CCDC102B: variants seen among roughly 807,000 people sequenced by gnomAD.
The protein encoded by CCDC102B is coiled-coil domain containing 102B.
A neutral mutation model predicts 57.4 loss-of-function variants in CCDC102B; 75 were observed. The ratio of observed to expected loss-of-function variants is 1.31; its 90% CI spans 1.08 to 1.58. The LOEUF (loss-of-function observed/expected upper bound fraction) is 1.58, where lower values mean the gene tolerates loss of function less well. Ranked by LOEUF, CCDC102B falls within the 40% of genes most tolerant of loss-of-function variation. CCDC102B has a pLI of 0.00. For missense variants in CCDC102B, 636 were observed against 582.6 expected (o/e 1.09, Z -0.94); for synonymous variants, 206 against 201.9 (o/e 1.02, Z -0.17).
At chr18:68,737,723 C>G (rs1203044849) in intron 2 of CCDC102B, among the ~76,000 whole-genome samples, 3 of 152,114 alleles carry the variant, frequency 2.0e-5, no homozygotes, top group Non-Finnish European at 4.4e-5. Flanking sequence ...AGCAGCAGCC[C>G]TGTTTCTTCA....
chr18:68,915,620 T>A (rs1484876288), intron 6 of CCDC102B, among the ~76,000 whole-genome samples: 1 of 152,244 alleles, frequency 6.6e-6, no homozygotes, highest in Non-Finnish European at 1.5e-5. Flanking sequence ...TTCTACTCTT[T>A]TTATTTGAGT....
At chr18:69,017,325 A>G (rs181655334) in intron 7 of CCDC102B, among the ~76,000 whole-genome samples, 152 of 152,088 alleles carry the variant, frequency 1.0e-3, no homozygotes, top group South Asian at 3.3e-3. Flanking sequence ...GGGTTTCTTC[A>G]TGTTGCCCAG....
chr18:68,900,539 G>A (rs1477510453), intron 6 of CCDC102B, among the ~76,000 whole-genome samples: 1 of 151,868 alleles, frequency 6.6e-6, no homozygotes, highest in Non-Finnish European at 1.5e-5. Flanking sequence ...TTTTTTCTTT[G>A]TTTTCTTTCA....
At chr18:68,786,956 C>G (rs2067848218) in intron 2 of CCDC102B, among the ~76,000 whole-genome samples, 1 of 152,286 alleles carries the variant, frequency 6.6e-6, no homozygotes, top group East Asian at 1.9e-4. Context: ...ATGATATTGG[C>G]TGTGGGTTTG....
intron 6 of CCDC102B, among the ~76,000 whole-genome samples, chr18:68,907,350 C>T (rs565074088): frequency 2.2e-4 from 33 of 151,750 alleles, no homozygotes; most frequent in African/African-American, 6.1e-4. Context: ...AAAAAAACGC[C>T]ATTGGAATTT....
chr18:68,760,608 A>C (rs997076234), intron 2 of CCDC102B, among the ~76,000 whole-genome samples: 3 of 152,096 alleles, frequency 2.0e-5, no homozygotes, highest in Non-Finnish European at 4.4e-5. Flanking sequence ...CCAGCAAAGG[A>C]AAGATATAAC....
chr18:68,939,680 T>A (rs997836512), intron 6 of CCDC102B, among the ~76,000 whole-genome samples: 2 of 151,854 alleles, frequency 1.3e-5, no homozygotes, highest in African/African-American at 4.8e-5. Flanking sequence ...TGCAATAGAT[T>A]ATGCCACAAG....
intron 7 of CCDC102B, among the ~76,000 whole-genome samples, chr18:69,026,453 G>C (rs1261639417): frequency 7.9e-6 from 1 of 126,066 alleles, no homozygotes; most frequent in African/African-American, 3.6e-5. Context: ...CCTGAACCCT[G>C]TCTCAAAAAA....
chr18:68,967,208 C>A (rs1199606011), intron 6 of CCDC102B, among the ~76,000 whole-genome samples: 1 of 152,046 alleles, frequency 6.6e-6, no homozygotes, highest in African/African-American at 2.4e-5. Context: ...TCCTATCAAC[C>A]ATCGAAGCAT....
At chr18:68,787,930 A>G (rs2035272997) in intron 2 of CCDC102B, among the ~76,000 whole-genome samples, 2 of 150,128 alleles carry the variant, frequency 1.3e-5, no homozygotes, top group African/African-American at 4.9e-5. Context: ...TAGGGTGTCA[A>G]TTTTGGATCT....
intron 6 of CCDC102B, among the ~76,000 whole-genome samples, chr18:68,984,572 C>G (rs1011550725): frequency 6.6e-6 from 1 of 152,086 alleles, no homozygotes; most frequent in African/African-American, 2.4e-5. Flanking sequence ...TCATTACTAG[C>G]TCTGGAGCAA....
Position 69,003,273 on chromosome 18 carries a change from C to A in CCDC102B, c.1264-7661C>A, listed in dbSNP as rs1300866722. 2.0e-5 allele frequency among the ~76,000 whole-genome samples: 3 copies of A among 152,020 alleles called. No homozygotes were observed. The East Asian group carries it at 5.8e-4, about 29-fold the overall frequency. On this transcript the variant is annotated intron_variant, in intron 6 of 7. Coordinates refer to ENST00000360242, the MANE Select transcript of CCDC102B (RefSeq NM_024781.3). ...AAAAATTATCTTGTTTAAACTATGT[C>A]TTTTATGTATGTATCATTTAAATGA...
intron 7 of CCDC102B, among the ~76,000 whole-genome samples, chr18:69,026,424 A>G (rs1213389224): frequency 6.7e-6 from 1 of 148,714 alleles, no homozygotes; most frequent in Admixed American, 6.8e-5. Context: ...CCGGGATGAC[A>G]CCAATGCACT....
chr18:68,790,072 T>G (rs1320204771), intron 2 of CCDC102B, among the ~76,000 whole-genome samples: 1 of 147,880 alleles, frequency 6.8e-6, no homozygotes, highest in African/African-American at 2.6e-5. Flanking sequence ...GCTGCAGGTC[T>G]GTTGGAATAC....
At chr18:68,931,895 G>T (rs990137769) in intron 6 of CCDC102B, among the ~76,000 whole-genome samples, 1 of 151,876 alleles carries the variant, frequency 6.6e-6, no homozygotes, top group Non-Finnish European at 1.5e-5. Context: ...GAGGAATATT[G>T]GTTGTGGTAG....
intron 7 of CCDC102B, among the ~76,000 whole-genome samples, chr18:69,013,576 A>G (rs1281500577): frequency 1.3e-5 from 2 of 152,214 alleles, no homozygotes; most frequent in African/African-American, 4.8e-5. Context: ...GTAAGAAAAT[A>G]TGTTGAAGTC....
chr18:68,788,673 A>G (rs1459015267), intron 2 of CCDC102B, among the ~76,000 whole-genome samples: 3 of 146,704 alleles, frequency 2.0e-5, no homozygotes, highest in Non-Finnish European at 4.5e-5. Flanking sequence ...TTTGTTTTCC[A>G]TTTGCTTGGT....
downstream of CCDC102B, among the ~76,000 whole-genome samples, chr18:69,055,878 GT>G (rs1453986228): frequency 1.3e-5 from 2 of 152,016 alleles, no homozygotes; most frequent in African/African-American, 4.8e-5. Context: ...CGAGGGATGG[GT>G]TTTTATACTC....
At chr18:68,766,015 A>C (rs1186883051) in intron 2 of CCDC102B, among the ~76,000 whole-genome samples, 2 of 152,124 alleles carry the variant, frequency 1.3e-5, no homozygotes, top group Non-Finnish European at 2.9e-5. Context: ...TTCCATAAAA[A>C]ATTTTAAAAC....
Sources: allele counts gnomAD v4.1 joint callset (sites outside exome capture counted in the v4.1 genomes callset), GRCh38; gene constraint gnomAD v4.1.1; transcripts MANE v1.5; gene names NCBI Gene and HGNC (gene_info 2026-07-23, HGNC 2026-07-21).